The following ZNF287 variants were observed in gnomAD, a reference collection of about 807,000 sequenced individuals.
The protein encoded by ZNF287 is zinc finger protein 287, also known as zinc finger protein with KRAB and SCAN domains 13.
ZNF287 carries 31 observed loss-of-function variants against 73.7 expected under a neutral mutation model. That is an observed-to-expected ratio of 0.42 (90% CI 0.32 to 0.57). The LOEUF (loss-of-function observed/expected upper bound fraction) is 0.57. ZNF287 is among the 20% of genes least tolerant of loss of function. The pLI is 0.13. For missense variants in ZNF287, 641 were observed against 909.3 expected, an observed-to-expected ratio of 0.70 and a Z score of 3.79; for synonymous variants, 301 against 307.2, an observed-to-expected ratio of 0.98 and a Z score of 0.21.
chr17:16,553,189 C>A lies in ZNF287; in HGVS notation c.953G>T (p.Arg318Ile), dbSNP rs1322163781. 6 of 1,600,610 alleles carry A rather than the reference C, an allele frequency of 3.7e-6. No individual in the cohort carries two copies. In the Admixed American group the frequency reaches 6.7e-5, roughly 18 times the overall value. Residue 318 changes from arginine (R) to isoleucine (I), a missense_variant, in exon 6 of 6, where the codon AGA becomes ATA. Physicochemically the swap from Arg to Ile is moderately conservative, Grantham distance 97. Transcript: ENST00000395825. Reference protein sequence around the residue: ...EECLSKYDIYRNNFEKHSNLI... With the variant: ...EECLSKYDIYINNFEKHSNLI... ...GTTTGAATGCTTTTCAAAATTATTT[C>A]TATATATATCATATTTACTAAGACA... is the stretch of plus-strand genomic sequence containing the variant.
In ZNF287 at chr17:16,551,661, TAAG is replaced by T. The variant is rs1906666896; in HGVS notation, c.*192_*194del. On this transcript the variant is annotated 3_prime_UTR_variant, in exon 6 of 6. Coordinates refer to ENST00000395825, the MANE Select transcript of ZNF287 (RefSeq NM_020653.4). ...AATTAAAATCATATCAAATTAAGGT[TAAG>T]AAGTCAAGTTTCCTTCTTAAATTTC... is the stretch of plus-strand genomic sequence containing the variant. The T allele has an allele frequency of 3.7e-6, 2 of 537,556 alleles. No individual in the cohort carries two copies. The highest frequency in any genetic ancestry group is 3.1e-5 in the East Asian group (1 of 32,782). 33.3% of individuals were successfully genotyped at this position (537,556 alleles called of 1,614,324 possible). A position where few individuals can be genotyped will look rare whatever the true frequency, so the allele number is the denominator to read the frequency against.
intron 5 of ZNF287, among the ~76,000 whole-genome samples, chr17:16,555,601 AACAC>A (rs201011881): frequency 0.077 from 9,912 of 128,074 alleles, 899 homozygotes; most frequent in African/African-American, 0.23. Flanking sequence ...CACATAACCA[AACAC>A]ACACACACAC....
rs889132321 is a variant in ZNF287 at position 16,552,702 on chromosome 17, A to G, written c.1440T>C (p.Tyr480=). 4.3e-6 allele frequency: 7 copies of G among 1,613,966 alleles called. No homozygotes were observed. The highest frequency in any genetic ancestry group is 5.1e-6 in the Non-Finnish European group (6 of 1,180,024). ...AGGTTTTACCACATTCCAAGCATTT[A>G]TATGGTTTCTCTCCAGTATGTGTCC... ...HQRTHTGEKP[Y]KCLECGKTFS... The change falls in exon 6 of 6, where the codon TAT becomes TAC. Residue 480 remains tyrosine (Y), a synonymous_variant. Coordinates refer to ENST00000395825, the MANE Select transcript of ZNF287 (RefSeq NM_020653.4). The surrounding 1 kb of genome is among the most constrained non-coding windows in gnomAD (Gnocchi z 6.5).
In ZNF287 at chr17:16,563,244, G is replaced by A. The variant is rs1907550629; in HGVS notation, c.629-12C>T. 2 of 1,575,888 alleles carry A rather than the reference G, an allele frequency of 1.3e-6. No individual in the cohort carries two copies. Among genetic ancestry groups the A allele is most frequent in the African/African-American group, 2.7e-5 (2 of 73,242 alleles). On this transcript the variant is annotated splice_polypyrimidine_tract_variant and intron_variant, in intron 4 of 5. Transcript: ENST00000395825. The stretch of plus-strand genomic sequence containing the variant: ...GTACACTGTAAGTCCTGTTCAGGAG[G>A]AATATAAAGAATTTTATCCTGGAGA...
In ZNF287 at chr17:16,551,627, T is replaced by C. The variant is rs1295264811; in HGVS notation, c.*229A>G. On this transcript the variant is annotated 3_prime_UTR_variant, in exon 6 of 6. Transcript: ENST00000395825. ...TTGAATACCCTTCACAGGGTTTCTT[T>C]CTGTAATGAATTAAAATCATATCAA... 2.1e-6 allele frequency: 1 copy of C among 467,488 alleles called. No homozygotes were observed. Among genetic ancestry groups the C allele is most frequent in the African/African-American group, 2.0e-5 (1 of 49,806 alleles). 29.0% of individuals were successfully genotyped at this position (467,488 alleles called of 1,614,324 possible). A position where few individuals can be genotyped will look rare whatever the true frequency, so the allele number is the denominator to read the frequency against.
rs751038255 is a variant in ZNF287 at position 16,566,505 on chromosome 17, GAA to G, written c.501+18_501+19del. 8 of 1,603,176 alleles carry G rather than the reference GAA, an allele frequency of 5.0e-6. No individual in the cohort carries two copies. The highest frequency in any genetic ancestry group is 5.1e-6 in the Non-Finnish European group (6 of 1,173,374). On this transcript the variant is annotated intron_variant, in intron 3 of 5. Transcript: ENST00000395825. ...ACACTAAGAAGGCATTTTAAAATCAGAAAAGACAGTCACACTCACTTTGGTCA... is the reference window on the plus strand; with the variant it reads ...ACACTAAGAAGGCATTTTAAAATCAGAAGACAGTCACACTCACTTTGGTCA...
In ZNF287 at chr17:16,552,667, C is replaced by G; in HGVS notation, c.1475G>C (p.Ser492Thr). ...CLECGKTFSH[S>T]SSLINHQRVH... ...TCTCTGATGATTAATCAGTGATGAA[C>G]TATGACTGAAGGTTTTACCACATTC... Residue 492 changes from serine to threonine, a missense_variant, in exon 6 of 6, where the codon AGT (serine) becomes ACT (threonine). Ser to Thr is a moderately conservative substitution (Grantham distance 58). Around this residue, in one of 2 missense-constraint regions of ZNF287, gnomAD observed 284 missense variants for 466.8 expected, o/e 0.61. Coordinates refer to ENST00000395825, the MANE Select transcript of ZNF287 (RefSeq NM_020653.4). The surrounding 1 kb of genome is among the most constrained non-coding windows in gnomAD (Gnocchi z 6.5). 2 of 1,614,106 alleles carry G rather than the reference C, an allele frequency of 1.2e-6. No individual in the cohort carries two copies. The highest frequency in any genetic ancestry group is 1.7e-6 in the Non-Finnish European group (2 of 1,179,990).
At chr17:16,556,084 A>G (rs1479095869) in intron 5 of ZNF287, among the ~76,000 whole-genome samples, 1 of 152,100 alleles carries the variant, frequency 6.6e-6, no homozygotes, top group African/African-American at 2.4e-5. Flanking sequence ...ATTAAGTGAA[A>G]AAAAAAGCAG....
In ZNF287 at chr17:16,548,231, A is replaced by G. The variant is rs1246209086; in HGVS notation, c.*3625T>C. On this transcript the variant is annotated 3_prime_UTR_variant, in exon 6 of 6. Coordinates refer to ENST00000395825, the MANE Select transcript of ZNF287 (RefSeq NM_020653.4). ...TCCACAGATTAATTGCAATAGGAAA[A>G]ACTACCTTTATATTGGGAAGATCTG... is the stretch of plus-strand genomic sequence containing the variant. 2.6e-5 allele frequency among the ~76,000 whole-genome samples: 4 copies of G among 152,192 alleles called. No individual in the cohort carries two copies. The highest frequency in any genetic ancestry group is 9.7e-5 in the African/African-American group (4 of 41,440).
In ZNF287 at chr17:16,552,695, A is replaced by G; in HGVS notation, c.1447T>C (p.Leu483=). The G allele has an allele frequency of 6.2e-7, 1 of 1,613,408 alleles. No individual in the cohort carries two copies. The highest frequency in any genetic ancestry group is 1.1e-5 in the South Asian group (1 of 91,022). ...TGACTGAAGGTTTTACCACATTCCAAGCATTTATATGGTTTCTCTCCAGTA... is the reference window on the plus strand; with the variant it reads ...TGACTGAAGGTTTTACCACATTCCAGGCATTTATATGGTTTCTCTCCAGTA... ...THTGEKPYKC[L]ECGKTFSHSS... is the part of the protein sequence containing the mutation. The change falls in exon 6 of 6, where the codon TTG becomes CTG. Residue 483 remains leucine (L), a synonymous_variant. Transcript: ENST00000395825. The surrounding 1 kb of genome is among the most constrained non-coding windows in gnomAD (Gnocchi z 6.5).
chr17:16,553,492 C>T (rs1906838323), intron 5 of ZNF287, 66 bp from the exon 6 acceptor site: 3 of 1,242,880 alleles, frequency 2.4e-6, no homozygotes, highest in Non-Finnish European at 3.2e-6. Context: ...AAAATAGAAA[C>T]AAAAGAATAA....
At chr17:16,557,146 G>C (rs1031323508) in intron 5 of ZNF287, among the ~76,000 whole-genome samples, 1 of 152,072 alleles carries the variant, frequency 6.6e-6, no homozygotes, top group African/African-American at 2.4e-5. Context: ...GCACCCGACC[G>C]ATAAACGCAC....
At chr17:16,563,031 C>T (rs1157787086) in intron 5 of ZNF287, 115 bp downstream of exon 5, 12 of 739,070 alleles carry the variant, frequency 1.6e-5, no homozygotes, top group African/African-American at 1.4e-4. Context: ...GTGTTCTTCA[C>T]AGGCTAGAAT....
rs1367370978 is a variant in ZNF287, at chr17:16,550,528, T to A, written c.*1328A>T. Among the ~76,000 whole-genome samples the A allele has an allele frequency of 6.6e-6, 1 of 152,218 alleles. No individual in the cohort carries two copies. Among genetic ancestry groups the A allele is most frequent in the Non-Finnish European group, 1.5e-5 (1 of 68,036 alleles). On this transcript the variant is annotated 3_prime_UTR_variant, in exon 6 of 6. Coordinates refer to ENST00000395825, the MANE Select transcript of ZNF287 (RefSeq NM_020653.4). ...TCACATTATTTATATAGCTACACTA[T>A]CACTTCCACTTCCTTCTCTTGGGAT...
rs1187798679 is a variant in ZNF287, at chr17:16,549,433, A to G, written c.*2423T>C. Among the ~76,000 whole-genome samples the G allele has an allele frequency of 1.3e-5, 2 of 152,254 alleles. No individual in the cohort carries two copies. The highest frequency in any genetic ancestry group is 1.5e-5 in the Non-Finnish European group (1 of 68,046). ...CATGCCACATGCTCAACCAAGGGAA[A>G]TAAGTGCTGTGTGAGGGATGAAGCA... On this transcript the variant is annotated 3_prime_UTR_variant, in exon 6 of 6. Transcript: ENST00000395825.
intron 5 of ZNF287, among the ~76,000 whole-genome samples, chr17:16,558,519 C>A (rs527740520): frequency 6.6e-6 from 1 of 152,224 alleles, no homozygotes; most frequent in Non-Finnish European, 1.5e-5. Flanking sequence ...AGGGTGGTCT[C>A]AAATTCCTGA....
At chr17:16,562,399 CA>C (rs1197880927) in intron 5 of ZNF287, among the ~76,000 whole-genome samples, 1 of 152,072 alleles carries the variant, frequency 6.6e-6, no homozygotes, top group East Asian at 1.9e-4. Context: ...ACTTTATATG[CA>C]AAAAACCCAA....
rs975397071 is a variant in ZNF287, at chr17:16,563,692, T to A, written c.628+7A>T. On this transcript the variant is annotated splice_region_variant and intron_variant, in intron 4 of 5. Transcript: ENST00000395825. ...CTCGGAGGAGGAGGGATGCAGATGATCCTTACCCAGAGAAACCATGTTCCA... is the reference window on the plus strand; with the variant it reads ...CTCGGAGGAGGAGGGATGCAGATGAACCTTACCCAGAGAAACCATGTTCCA... 6.2e-7 allele frequency: 1 copy of A among 1,611,964 alleles called. No homozygotes were observed. Among genetic ancestry groups the A allele is most frequent in the African/African-American group, 1.3e-5 (1 of 74,872 alleles).
At chr17:16,568,601 A>G (rs970378045) in intron 1 of ZNF287, 2 of 152,152 alleles carry the variant, frequency 1.3e-5, no homozygotes, top group African/African-American at 4.8e-5. Context: ...AACCGACACC[A>G]CCTCTCCCCA....
Sources: gnomAD v4.1 joint callset for allele counts (sites outside exome capture counted in the v4.1 genomes callset) on GRCh38, gnomAD v4.1.1 for gene constraint, gnomAD v4.1.1 regional missense constraint, Gnocchi (gnomAD v3.1) non-coding constraint, MANE v1.5 for transcripts, NCBI Gene and HGNC (gene_info 2026-07-23, HGNC 2026-07-21) for gene names.